PLEKHG1: variants seen among roughly 807,000 people sequenced by gnomAD.
PLEKHG1 encodes pleckstrin homology and RhoGEF domain containing G1.
A neutral mutation model predicts 100.8 loss-of-function variants in PLEKHG1; 44 were observed. The observed-to-expected ratio is 0.44, with a 90% CI of 0.34 to 0.56. The LOEUF (loss-of-function observed/expected upper bound fraction) is 0.56. Ranked by LOEUF, PLEKHG1 falls within the 20% of genes least tolerant of loss-of-function variation. PLEKHG1 has a pLI of 0.01. For synonymous variants in PLEKHG1, 640 were observed against 662.5 expected, an observed-to-expected ratio of 0.97 and a Z score of 0.52; for missense variants, 1,545 against 1,720.9, an observed-to-expected ratio of 0.90 and a Z score of 1.81.
chr6:150,620,722 A>G (rs1777262611), intron 1 of PLEKHG1, among the ~76,000 whole-genome samples: 1 of 152,242 alleles, frequency 6.6e-6, no homozygotes, highest in Admixed American at 6.5e-5. Flanking sequence ...GTTTTGTGCC[A>G]GGCATCAATC....
intron 2 of PLEKHG1, among the ~76,000 whole-genome samples, chr6:150,640,150 C>T (rs144615862): frequency 2.1e-3 from 313 of 152,360 alleles, no homozygotes; most frequent in African/African-American, 7.4e-3. Flanking sequence ...GCCGGCGTCC[C>T]GCCAGTAGGA....
At chr6:150,628,928 G>A (rs1228715670) in intron 1 of PLEKHG1, among the ~76,000 whole-genome samples, 2 of 152,158 alleles carry the variant, frequency 1.3e-5, no homozygotes, top group Admixed American at 1.3e-4. Context: ...GTTCATCCAC[G>A]AGCAAGTGAG....
intron 3 of PLEKHG1, among the ~76,000 whole-genome samples, chr6:150,675,965 T>A (rs1779745805): frequency 6.6e-6 from 1 of 152,054 alleles, no homozygotes; most frequent in Non-Finnish European, 1.5e-5. Context: ...ATACAAGATA[T>A]AATTCAAAAG....
At chr6:150,806,293 A>T (rs931120338) in intron 7 of PLEKHG1, among the ~76,000 whole-genome samples, 6 of 138,030 alleles carry the variant, frequency 4.3e-5, no homozygotes, top group Non-Finnish European at 7.6e-5. Context: ...AGTGTTTTGC[A>T]GACATAATGT....
At chr6:150,674,684 C>CCCCT (rs1554258857) in intron 3 of PLEKHG1, among the ~76,000 whole-genome samples, 5 of 73,398 alleles carry the variant, frequency 6.8e-5, no homozygotes, top group African/African-American at 2.3e-4. Context: ...TCTCTCTCTC[C>CCCCT]CCCCTCTTCT....
intron 1 of PLEKHG1, among the ~76,000 whole-genome samples, chr6:150,617,980 G>C (rs1171954801): frequency 6.6e-6 from 1 of 152,162 alleles, no homozygotes; most frequent in African/African-American, 2.4e-5. Context: ...CTCAGCATGC[G>C]TGTGAGTGTG....
At chr6:150,762,577 C>CA (rs1784220804) in intron 2 of PLEKHG1, among the ~76,000 whole-genome samples, 1 of 152,096 alleles carries the variant, frequency 6.6e-6, no homozygotes, top group Non-Finnish European at 1.5e-5. Context: ...GATTGTGTCC[C>CA]ATTCCTTCTA....
chr6:150,788,852 AGTGT>A (rs1317496169), intron 4 of PLEKHG1, among the ~76,000 whole-genome samples: 10 of 152,108 alleles, frequency 6.6e-5, no homozygotes, highest in African/African-American at 2.4e-4. Flanking sequence ...CCAGGGAGTG[AGTGT>A]GTGTGCACAC....
chr6:150,819,729 G>T (rs763978652), exon 12 of PLEKHG1: 1 of 1,612,690 alleles, frequency 6.2e-7, no homozygotes, highest in South Asian at 1.1e-5. Flanking sequence ...AGCACTGTTC[G>T]GCTCTAAAGA....
chr6:150,778,502 C>T (rs1221609621), intron 3 of PLEKHG1, among the ~76,000 whole-genome samples: 1 of 152,158 alleles, frequency 6.6e-6, no homozygotes, highest in Non-Finnish European at 1.5e-5. Context: ...GAGAACCTTC[C>T]CTGACTGTCC....
At chr6:150,734,419 G>T (rs1479636788) in intron 2 of PLEKHG1, among the ~76,000 whole-genome samples, 1 of 152,208 alleles carries the variant, frequency 6.6e-6, no homozygotes, top group East Asian at 1.9e-4. Context: ...GAGGACTCAA[G>T]TCTCCTGGAG....
chr6:150,733,709 G>A (rs772139626), exon 2 of PLEKHG1: 19 of 1,614,014 alleles, frequency 1.2e-5, no homozygotes, highest in East Asian at 4.5e-5. Flanking sequence ...TGACCGACCC[G>A]TCAGCTTCGG....
At chr6:150,771,047 G>A (rs1784693509) in intron 3 of PLEKHG1, among the ~76,000 whole-genome samples, 2 of 152,206 alleles carry the variant, frequency 1.3e-5, no homozygotes, top group South Asian at 4.1e-4. Context: ...GGTTCATGAA[G>A]TTGTGGCTTA....
rs144678547 is a variant in PLEKHG1, at chr6:150,840,247, G to T, written c.3509G>T (p.Gly1170Val). 2.4e-4 allele frequency: 389 copies of T among 1,614,042 alleles called. 2 individuals are homozygous for T. The highest frequency in any genetic ancestry group is 4.9e-4 in the Middle Eastern group (3 of 6,084). ...CTTTACAACTCCTTGGGTCGGAAAG[G>T]GATCAGCGCTAAATCTCAGCCTTAT... Residue 1170 changes from glycine to valine, a missense_variant, in exon 16 of 16, where the codon GGG becomes GTG. Transcript: ENST00000358517.
intron 4 of PLEKHG1, among the ~76,000 whole-genome samples, chr6:150,786,821 G>C (rs746481146): frequency 6.6e-6 from 1 of 152,008 alleles, no homozygotes; most frequent in Non-Finnish European, 1.5e-5. Flanking sequence ...TCTGAGGTCA[G>C]GAGTTTGAGA....
chr6:150,638,538 G>A (rs1778114982), intron 2 of PLEKHG1, among the ~76,000 whole-genome samples: 1 of 152,106 alleles, frequency 6.6e-6, no homozygotes, highest in Non-Finnish European at 1.5e-5. Flanking sequence ...TGCTAGTGTA[G>A]AATTTCTGAA....
chr6:150,646,367 C>T (rs1440948875), intron 2 of PLEKHG1, among the ~76,000 whole-genome samples: 2 of 151,996 alleles, frequency 1.3e-5, no homozygotes, highest in African/African-American at 4.8e-5. Flanking sequence ...ATGAACTAAT[C>T]ACAGTAATTA....
intron 1 of PLEKHG1, among the ~76,000 whole-genome samples, chr6:150,730,585 C>T (rs1032517287): frequency 1.3e-5 from 2 of 152,214 alleles, no homozygotes; most frequent in Non-Finnish European, 2.9e-5. Context: ...GGCCGTGGAC[C>T]GGTACCGCAC....
chr6:150,745,613 G>T (rs372123204), intron 2 of PLEKHG1, among the ~76,000 whole-genome samples: 2 of 151,632 alleles, frequency 1.3e-5, no homozygotes, highest in Non-Finnish European at 2.9e-5. Flanking sequence ...AACCTGGGAG[G>T]CAGAGGTTGC....
Sources: gnomAD v4.1 joint callset for allele counts (sites outside exome capture counted in the v4.1 genomes callset) on GRCh38, gnomAD v4.1.1 for gene constraint, MANE v1.5 for transcripts, NCBI Gene and HGNC (gene_info 2026-07-23, HGNC 2026-07-21) for gene names.